Variants in ROBO2 observed in about 807,000 individuals in gnomAD.
ROBO2 encodes roundabout guidance receptor 2.
Under a neutral mutation model 160.8 loss-of-function variants are expected in ROBO2, and 53 were observed. The observed-to-expected ratio is 0.33, with a 90% CI of 0.26 to 0.41. ROBO2 has a LOEUF of 0.41. ROBO2 is among the 10% of genes least tolerant of loss of function. The pLI is 1.00. For missense variants in ROBO2, 1,577 were observed against 1,722.4 expected (o/e 0.92, Z 1.49); for synonymous variants, 664 against 611.7 (o/e 1.09, Z -1.26).
chr3:76,510,416 G>A (rs2081026525), intron 2 of ROBO2, among the ~76,000 whole-genome samples: 1 of 152,112 alleles, frequency 6.6e-6, no homozygotes, highest in African/African-American at 2.4e-5. Flanking sequence ...TGCTGAAAGT[G>A]ATGAATAGAA....
chr3:77,270,551 A>G (rs1048009324), intron 2 of ROBO2, among the ~76,000 whole-genome samples: 10 of 115,268 alleles, frequency 8.7e-5, no homozygotes, highest in Non-Finnish European at 1.2e-4. Context: ...TAATAGGACA[A>G]AATTTATTTT....
intron 2 of ROBO2, among the ~76,000 whole-genome samples, chr3:77,235,714 C>A (rs1436519431): frequency 6.6e-6 from 1 of 152,100 alleles, no homozygotes; most frequent in Non-Finnish European, 1.5e-5. Context: ...AAAAATTAAA[C>A]CTCTTTCTGC....
At chr3:76,908,089 C>T (rs1478528602) in intron 2 of ROBO2, among the ~76,000 whole-genome samples, 1 of 152,122 alleles carries the variant, frequency 6.6e-6, no homozygotes, top group Non-Finnish European at 1.5e-5. Context: ...ATCTGCCCGC[C>T]TCGGCTTCCC....
intron 2 of ROBO2, among the ~76,000 whole-genome samples, chr3:77,219,144 T>G (rs988893495): frequency 6.6e-6 from 1 of 151,714 alleles, no homozygotes; most frequent in African/African-American, 2.4e-5. Flanking sequence ...AATTTTTGTA[T>G]TTTTAGTAGA....
At chr3:76,352,260 G>A (rs2074921296) in intron 2 of ROBO2, among the ~76,000 whole-genome samples, 1 of 151,862 alleles carries the variant, frequency 6.6e-6, no homozygotes, top group Non-Finnish European at 1.5e-5. Flanking sequence ...CACCCACACT[G>A]GGAAAAAACT....
chr3:76,924,051 T>G (rs531817075), intron 2 of ROBO2, among the ~76,000 whole-genome samples: 1 of 152,326 alleles, frequency 6.6e-6, no homozygotes, highest in South Asian at 2.1e-4. Flanking sequence ...CACTTCTCCG[T>G]GAATAAACTG....
chr3:76,635,025 C>T (rs2090249647), intron 2 of ROBO2, among the ~76,000 whole-genome samples: 1 of 152,198 alleles, frequency 6.6e-6, no homozygotes, highest in African/African-American at 2.4e-5. Flanking sequence ...CATCCTGAAA[C>T]CATCTGCTCC....
intron 2 of ROBO2, among the ~76,000 whole-genome samples, chr3:77,026,991 A>G (rs1287648605): frequency 1.3e-5 from 2 of 152,178 alleles, no homozygotes; most frequent in East Asian, 3.9e-4. Context: ...AAGGGAGGTT[A>G]ATGGATTTTT....
At chr3:77,625,637 A>G (rs749318610) in intron 23 of ROBO2, among the ~76,000 whole-genome samples, 4 of 152,098 alleles carry the variant, frequency 2.6e-5, no homozygotes, top group Non-Finnish European at 5.9e-5. Context: ...CGGCCTCCCA[A>G]AGTGCTGGGA....
At chr3:76,540,577 C>T (rs1441520563) in intron 2 of ROBO2, among the ~76,000 whole-genome samples, 1 of 152,114 alleles carries the variant, frequency 6.6e-6, no homozygotes, top group East Asian at 1.9e-4. Flanking sequence ...GTTTTAACTT[C>T]TAGAATATAT....
At chr3:76,434,010 G>A (rs2076554075) in intron 2 of ROBO2, 1 of 1,026,990 alleles carries the variant, frequency 9.7e-7, no homozygotes, top group Non-Finnish European at 1.5e-6. Context: ...ACTCTGAGGT[G>A]GTTCATTATG....
intron 2 of ROBO2, among the ~76,000 whole-genome samples, chr3:76,810,992 T>A (rs1412580844): frequency 6.6e-6 from 1 of 152,150 alleles, no homozygotes; most frequent in Admixed American, 6.6e-5. Flanking sequence ...GATTTATCAG[T>A]TAATCAGTGT....
At chr3:76,940,579 G>T (rs573114392) in intron 2 of ROBO2, among the ~76,000 whole-genome samples, 1 of 151,876 alleles carries the variant, frequency 6.6e-6, no homozygotes, top group Non-Finnish European at 1.5e-5. Flanking sequence ...ACTCTAATTC[G>T]TCCCCAGATT....
intron 1 of ROBO2, among the ~76,000 whole-genome samples, chr3:77,096,093 A>G (rs995414703): frequency 1.3e-5 from 2 of 152,178 alleles, no homozygotes; most frequent in Non-Finnish European, 2.9e-5. Flanking sequence ...ATTCCCTTTA[A>G]TACATTAAAA....
intron 2 of ROBO2, among the ~76,000 whole-genome samples, chr3:76,667,443 T>C (rs1426217575): frequency 6.6e-6 from 1 of 152,186 alleles, no homozygotes; most frequent in Non-Finnish European, 1.5e-5. Flanking sequence ...GGCTTTTTTG[T>C]TGGTTTCTGT....
At chr3:76,727,953 C>A (rs998440122) in intron 2 of ROBO2, among the ~76,000 whole-genome samples, 1 of 151,686 alleles carries the variant, frequency 6.6e-6, no homozygotes, top group Admixed American at 6.6e-5. Context: ...TGATGGATAA[C>A]CTAAGTACCC....
rs141959716 is a variant in ROBO2 at position 77,083,003 on chromosome 3, C to T, written c.62-15011C>T. On this transcript the variant is annotated intron_variant, in intron 1 of 25. Coordinates refer to ENST00000461745, the Ensembl canonical transcript of ROBO2. Reference sequence around the variant, plus strand: ...ATATCTGAGGCAGTTGGCCCATGGACCTGATTTCAATATGGGCAGTTTAGA... The same window carrying T: ...ATATCTGAGGCAGTTGGCCCATGGATCTGATTTCAATATGGGCAGTTTAGA... Among the ~76,000 whole-genome samples, 420 of 152,146 alleles carry T rather than the reference C, an allele frequency of 2.8e-3. 4 individuals carry two copies. The highest frequency in any genetic ancestry group is 5.9e-4 in the Non-Finnish European group (40 of 68,002).
At chr3:76,576,369 T>C (rs1203056116) in intron 2 of ROBO2, among the ~76,000 whole-genome samples, 2 of 152,082 alleles carry the variant, frequency 1.3e-5, no homozygotes, top group Non-Finnish European at 2.9e-5. Flanking sequence ...GATTGATGGA[T>C]GATATGATAC....
intron 2 of ROBO2, among the ~76,000 whole-genome samples, chr3:76,120,607 A>G (rs1460368281): frequency 1.3e-5 from 2 of 152,184 alleles, no homozygotes; most frequent in Non-Finnish European, 2.9e-5. Context: ...TAAGATTCCA[A>G]GATAACAAGG....
Sources: gnomAD v4.1 joint callset for allele counts (sites outside exome capture counted in the v4.1 genomes callset) on GRCh38, gnomAD v4.1.1 for gene constraint, MANE v1.5 for transcripts, NCBI Gene and HGNC (gene_info 2026-07-23, HGNC 2026-07-21) for gene names.